KIAA0513: variants seen among roughly 807,000 people sequenced by gnomAD.
The protein encoded by KIAA0513 is KIAA0513, also known as uncharacterized protein KIAA0513.
In KIAA0513, 39 loss-of-function variants were observed where a neutral mutation model predicts 56.5. That is an observed-to-expected ratio of 0.69 (90% CI 0.53 to 0.90). The LOEUF (loss-of-function observed/expected upper bound fraction) is 0.90. Ranked by LOEUF, KIAA0513 falls within the 40% of genes least tolerant of loss-of-function variation. The probability of loss-of-function intolerance (pLI) is 0.00; values close to 1 mark genes in which losing one functional copy is unlikely to be tolerated. For missense variants in KIAA0513, 591 were observed against 535.2 expected (o/e 1.10, Z -1.03); for synonymous variants, 268 against 215.6 (o/e 1.24, Z -2.13).
intron 12 of KIAA0513, among the ~76,000 whole-genome samples, chr16:85,087,784 C>T (rs556655510): frequency 6.6e-6 from 1 of 152,236 alleles, no homozygotes; most frequent in Non-Finnish European, 1.5e-5. Context: ...ATCCCATTCT[C>T]TACCTAATTC....
chr16:85,075,657 A>G (rs1190862461), intron 4 of KIAA0513, among the ~76,000 whole-genome samples, 187 bp from the exon 5 acceptor site: 1 of 152,224 alleles, frequency 6.6e-6, no homozygotes, highest in Non-Finnish European at 1.5e-5. Flanking sequence ...CCCGTTCAGA[A>G]TCAGTCCCAG....
chr16:85,080,264 C>A (rs1226177430), intron 8 of KIAA0513, among the ~76,000 whole-genome samples: 1 of 152,168 alleles, frequency 6.6e-6, no homozygotes, highest in Non-Finnish European at 1.5e-5. Flanking sequence ...GCTGTCTTTT[C>A]ATTGTCACTT....
In KIAA0513 at chr16:85,078,866, T is replaced by A. The variant is rs192458941; in HGVS notation, c.824-59T>A. The A allele has an allele frequency of 1.5e-4, 232 of 1,581,790 alleles. 1 individual carries two copies. In the African/African-American group the frequency reaches 2.8e-3, roughly 19 times the overall value. On this transcript the variant is annotated intron_variant, in intron 7 of 12. Coordinates refer to ENST00000683363, the MANE Select transcript of KIAA0513 (RefSeq NM_001388359.1). ...GCTGCTGGGAGGCTGTCACCCGGGGTTTGCCAACAGTGGGTGCGCAACCAG... is the reference window on the plus strand; with the variant it reads ...GCTGCTGGGAGGCTGTCACCCGGGGATTGCCAACAGTGGGTGCGCAACCAG...
At chr16:85,058,646 C>T (rs960407715) in intron 1 of KIAA0513, among the ~76,000 whole-genome samples, 1 of 132,174 alleles carries the variant, frequency 7.6e-6, no homozygotes, top group Non-Finnish European at 1.6e-5. Context: ...GAGCGGAACT[C>T]CATCTCACAA....
chr16:85,065,076 G>A (rs1004241591), intron 1 of KIAA0513, among the ~76,000 whole-genome samples: 12 of 152,338 alleles, frequency 7.9e-5, no homozygotes, highest in African/African-American at 2.4e-4. Context: ...TGAATTTGTA[G>A]TACAGACAGC....
intron 1 of KIAA0513, among the ~76,000 whole-genome samples, chr16:85,031,021 C>T (rs189944274): frequency 5.3e-5 from 8 of 152,228 alleles, no homozygotes; most frequent in African/African-American, 1.9e-4. Flanking sequence ...CTGGACATCA[C>T]ATGTAATGAA....
chr16:85,043,230 C>T (rs933050142), intron 1 of KIAA0513, among the ~76,000 whole-genome samples: 9 of 152,098 alleles, frequency 5.9e-5, no homozygotes, highest in South Asian at 2.1e-4. Flanking sequence ...TTACTACCCC[C>T]AGCTACAACT....
chr16:85,067,125 A>G lies in KIAA0513; in HGVS notation c.54A>G (p.Ala18=). The G allele has an allele frequency of 6.2e-7, 1 of 1,612,190 alleles. No homozygotes were observed. The highest frequency in any genetic ancestry group is 1.1e-5 in the South Asian group (1 of 90,932). Residue 18 remains alanine, a synonymous_variant, in exon 2 of 13, where the codon GCA becomes GCG. Coordinates refer to ENST00000683363, the MANE Select transcript of KIAA0513 (RefSeq NM_001388359.1). ...VGSLIDFGPE[A]PTSSPLEAPP... ...CGCTAATCGACTTTGGGCCTGAGGCACCCACCTCTTCTCCCCTGGAGGCAC... is the reference window on the plus strand; with the variant it reads ...CGCTAATCGACTTTGGGCCTGAGGCGCCCACCTCTTCTCCCCTGGAGGCAC...
intron 2 of KIAA0513, among the ~76,000 whole-genome samples, chr16:85,069,577 C>T (rs2073542058): frequency 6.6e-6 from 1 of 151,992 alleles, no homozygotes; most frequent in African/African-American, 2.4e-5. Context: ...GTTAATATCT[C>T]AGCCAGGGGA....
intron 1 of KIAA0513, among the ~76,000 whole-genome samples, chr16:85,051,894 C>A (rs1300754150): frequency 6.6e-6 from 1 of 151,644 alleles, no homozygotes; most frequent in African/African-American, 2.4e-5. Context: ...GCTCAAGTGA[C>A]CCTCCAGCCT....
rs2073855924 is a variant in KIAA0513 at position 85,090,386 on chromosome 16, G to T, written c.*2061G>T. The T allele has an allele frequency of 6.6e-6, 1 of 152,160 alleles. No individual in the cohort carries two copies. Among genetic ancestry groups the T allele is most frequent in the Non-Finnish European group, 1.5e-5 (1 of 68,050 alleles). 9.4% of individuals were successfully genotyped at this position (152,160 alleles called of 1,614,324 possible). A position where few individuals can be genotyped will look rare whatever the true frequency, so the allele number is the denominator to read the frequency against. ...CAGACTTTGTTCTGCGGTGCCCACAGGACTTACCCCTGTATGTACAGGATT... is the reference window on the plus strand; with the variant it reads ...CAGACTTTGTTCTGCGGTGCCCACATGACTTACCCCTGTATGTACAGGATT... On this transcript the variant is annotated 3_prime_UTR_variant, in exon 13 of 13. Coordinates refer to ENST00000683363, the MANE Select transcript of KIAA0513 (RefSeq NM_001388359.1).
At chr16:85,063,737 C>T (rs188610689) in intron 1 of KIAA0513, 1 of 152,224 alleles carries the variant, frequency 6.6e-6, no homozygotes, top group East Asian at 1.9e-4. Context: ...CTGATGCCAG[C>T]ACCGCCAGCC....
In KIAA0513 at chr16:85,048,588, A is replaced by G. The variant is rs536305612; in HGVS notation, c.-172-18312A>G. On this transcript the variant is annotated intron_variant, in intron 1 of 12. Transcript: ENST00000683363. ...AGAATGATTCTGGCTCTGTTAAAAG[A>G]CTTTCTGAAGCTGGATGTGGTGGCT... Among the ~76,000 whole-genome samples, 5 of 152,206 alleles carry G rather than the reference A, an allele frequency of 3.3e-5. No homozygotes were observed. The South Asian group carries it at 1.0e-3, about 32-fold the overall frequency.
rs1332736075 is a variant in KIAA0513, at chr16:85,075,930, G to T, written c.574+16G>T. 6.3e-7 allele frequency: 1 copy of T among 1,591,838 alleles called. No individual in the cohort carries two copies. The highest frequency in any genetic ancestry group is 1.7e-5 in the Admixed American group (1 of 59,990). The stretch of plus-strand genomic sequence containing the variant: ...TACCACATCGGTAAGACATGGGTGG[G>T]CTGATGTGGGGCTCACCTGAGGCTA... On this transcript the variant is annotated intron_variant, in intron 5 of 12. Coordinates refer to ENST00000683363, the MANE Select transcript of KIAA0513 (RefSeq NM_001388359.1).
intron 1 of KIAA0513, among the ~76,000 whole-genome samples, chr16:85,058,245 G>C (rs542157760): frequency 2.0e-5 from 3 of 152,332 alleles, no homozygotes; most frequent in African/African-American, 7.2e-5. Flanking sequence ...TCACTGTCAC[G>C]CCTCATGTAT....
intron 1 of KIAA0513, among the ~76,000 whole-genome samples, chr16:85,064,617 C>T (rs1266418853): frequency 6.6e-6 from 1 of 152,146 alleles, no homozygotes; most frequent in Non-Finnish European, 1.5e-5. Context: ...TACCTTGTGG[C>T]TTTAATTTGC....
At chr16:85,038,707 CA>C (rs769470751) in intron 1 of KIAA0513, among the ~76,000 whole-genome samples, 906 of 71,252 alleles carry the variant, frequency 0.013, 8 homozygotes, top group Middle Eastern at 0.033. Context: ...GACTCAGCCT[CA>C]AAAAAAAAAA....
chr16:85,057,638 G>A (rs990244135), intron 1 of KIAA0513, among the ~76,000 whole-genome samples: 3 of 152,224 alleles, frequency 2.0e-5, no homozygotes, highest in Non-Finnish European at 4.4e-5. Flanking sequence ...CAGGGAACTT[G>A]TGTTGGTGGA....
chr16:85,075,188 GT>G, intron 4 of KIAA0513, among the ~76,000 whole-genome samples: 1 of 150,942 alleles, frequency 6.6e-6, no homozygotes, highest in East Asian at 1.9e-4. Flanking sequence ...TAGTTGATTA[GT>G]TTTTTATATA....
Sources: gnomAD v4.1 joint callset for allele counts (sites outside exome capture counted in the v4.1 genomes callset) on GRCh38, gnomAD v4.1.1 for gene constraint, MANE v1.5 for transcripts, NCBI Gene and HGNC (gene_info 2026-07-23, HGNC 2026-07-21) for gene names.